Variants in MSRA observed in about 807,000 individuals in gnomAD.
MSRA encodes methionine sulfoxide reductase A.
MSRA carries 54 observed loss-of-function variants against 31.3 expected under a neutral mutation model. That is an observed-to-expected ratio of 1.73 (90% CI 1.39 to 2.17). MSRA has a LOEUF of 2.17. Ranked by LOEUF, MSRA falls within the 30% of genes most tolerant of loss-of-function variation. The probability of loss-of-function intolerance (pLI) is 0.00; values close to 1 mark genes in which losing one functional copy is unlikely to be tolerated. For missense variants in MSRA, 507 were observed against 300.9 expected (o/e 1.69, Z -5.07); for synonymous variants, 169 against 116.5 (o/e 1.45, Z -2.90).
At chr8:10,364,541 T>C (rs538449230) in intron 5 of MSRA, among the ~76,000 whole-genome samples, 1 of 152,316 alleles carries the variant, frequency 6.6e-6, no homozygotes, top group East Asian at 1.9e-4. Context: ...AAATGAAAAA[T>C]AGCCTAATTC....
At chr8:10,058,990 T>C (rs1802551987) in intron 1 of MSRA, 1 of 152,198 alleles carries the variant, frequency 6.6e-6, no homozygotes, top group African/African-American at 2.4e-5. Flanking sequence ...ATTATTATTT[T>C]ACATTGTAGG....
chr8:10,423,959 G>A (rs1336691540), intron 5 of MSRA, among the ~76,000 whole-genome samples: 2 of 152,334 alleles, frequency 1.3e-5, no homozygotes, highest in Non-Finnish European at 2.9e-5. Flanking sequence ...ACAAAGCCCC[G>A]AGATGAGGGA....
At chr8:10,427,526 C>T (rs1227080822) in intron 5 of MSRA, among the ~76,000 whole-genome samples, 2 of 152,288 alleles carry the variant, frequency 1.3e-5, no homozygotes, top group African/African-American at 4.8e-5. Context: ...AGAGTACAGA[C>T]CCCAAGCGAC....
intron 5 of MSRA, among the ~76,000 whole-genome samples, chr8:10,359,961 C>T (rs1444602578): frequency 1.3e-5 from 2 of 152,220 alleles, no homozygotes; most frequent in Admixed American, 6.5e-5. Context: ...TCCCCTCCTC[C>T]ACTTTTACCT....
chr8:10,068,376 T>C (rs1797565569), intron 1 of MSRA, among the ~76,000 whole-genome samples: 1 of 152,216 alleles, frequency 6.6e-6, no homozygotes, highest in African/African-American at 2.4e-5. Context: ...TTCGTGTATC[T>C]AAAAAGTTAT....
chr8:10,350,723 C>T (rs767832459), intron 5 of MSRA, among the ~76,000 whole-genome samples: 1 of 152,218 alleles, frequency 6.6e-6, no homozygotes, highest in East Asian at 1.9e-4. Context: ...TTGCCAAGGC[C>T]GGCAACCCTT....
intron 1 of MSRA, among the ~76,000 whole-genome samples, chr8:10,134,948 G>C (rs1033712760): frequency 6.6e-6 from 1 of 152,138 alleles, no homozygotes; most frequent in Non-Finnish European, 1.5e-5. Flanking sequence ...GTAAAAGCTA[G>C]AGCTGTTGCT....
chr8:10,071,945 G>T (rs1797753651), intron 1 of MSRA, among the ~76,000 whole-genome samples: 2 of 152,174 alleles, frequency 1.3e-5, no homozygotes, highest in African/African-American at 4.8e-5. Flanking sequence ...ATCAGTTTCA[G>T]TAGTGCGTAT....
chr8:10,332,358 CTG>C (rs1180823466), intron 5 of MSRA, among the ~76,000 whole-genome samples: 1 of 151,842 alleles, frequency 6.6e-6, no homozygotes, highest in African/African-American at 2.4e-5. Context: ...TTTTTTTTAT[CTG>C]TGCTTTTGTT....
At chr8:10,089,022 G>A (rs1029629755) in intron 1 of MSRA, among the ~76,000 whole-genome samples, 1 of 152,088 alleles carries the variant, frequency 6.6e-6, no homozygotes, top group African/African-American at 2.4e-5. Flanking sequence ...TAGATCAAAG[G>A]ATAAATAAAA....
intron 3 of MSRA, among the ~76,000 whole-genome samples, chr8:10,287,648 G>A (rs1429044860): frequency 1.3e-5 from 2 of 152,130 alleles, no homozygotes; most frequent in Non-Finnish European, 2.9e-5. Flanking sequence ...GTGAATTTTT[G>A]CTCAGGGCTT....
chr8:10,413,083 T>C (rs1328555945), intron 5 of MSRA, among the ~76,000 whole-genome samples: 1 of 152,190 alleles, frequency 6.6e-6, no homozygotes, highest in African/African-American at 2.4e-5. Context: ...TGGCCTTCAG[T>C]TGGGAAATGG....
At chr8:10,145,235 T>C (rs927382083) in intron 1 of MSRA, among the ~76,000 whole-genome samples, 4 of 152,158 alleles carry the variant, frequency 2.6e-5, no homozygotes, top group African/African-American at 9.7e-5. Flanking sequence ...TATGTGGGGA[T>C]CAGCTTTTCC....
intron 1 of MSRA, among the ~76,000 whole-genome samples, chr8:10,198,669 G>T (rs1808208758): frequency 1.3e-5 from 2 of 152,268 alleles, no homozygotes; most frequent in East Asian, 3.9e-4. Context: ...TGTCACCCAG[G>T]CTGGAGTGCA....
chr8:10,281,033 T>C (rs890551977), intron 3 of MSRA, among the ~76,000 whole-genome samples: 3 of 152,172 alleles, frequency 2.0e-5, no homozygotes, highest in African/African-American at 7.2e-5. Context: ...ATAGCTAAAG[T>C]GTATGGAGTC....
In MSRA at chr8:10,229,783, A is replaced by G. The variant is rs539844177; in HGVS notation, c.212-15321A>G. Among the ~76,000 whole-genome samples, 268 of 152,326 alleles carry G rather than the reference A, an allele frequency of 1.8e-3. 2 individuals are homozygous for G. Among genetic ancestry groups the G allele is most frequent in the African/African-American group, 5.9e-3 (246 of 41,578 alleles). ...TGTTTCAGCACGTAAGTCTGATGGA[A>G]ATATGCCCCATTCAACACTTCTGAA... is the stretch of plus-strand genomic sequence containing the variant. On this transcript the variant is annotated intron_variant, in intron 2 of 5. Coordinates refer to ENST00000317173, the MANE Select transcript of MSRA (RefSeq NM_012331.5).
chr8:10,080,164 C>T (rs995531399), intron 1 of MSRA, among the ~76,000 whole-genome samples: 5 of 152,166 alleles, frequency 3.3e-5, no homozygotes, highest in African/African-American at 7.2e-5. Context: ...GCCTAGCAGA[C>T]TGGTTGCTAA....
At chr8:10,380,689 A>G (rs898407828) in intron 5 of MSRA, among the ~76,000 whole-genome samples, 2 of 152,360 alleles carry the variant, frequency 1.3e-5, no homozygotes, top group Non-Finnish European at 2.9e-5. Context: ...TAAGTATTTA[A>G]TACATTATTT....
At chr8:10,094,893 A>T (rs963502548) in intron 1 of MSRA, among the ~76,000 whole-genome samples, 1 of 152,196 alleles carries the variant, frequency 6.6e-6, no homozygotes, top group Admixed American at 6.5e-5. Flanking sequence ...TTGACCTTAG[A>T]TGTTTTATTT....
Sources: allele counts gnomAD v4.1 joint callset (sites outside exome capture counted in the v4.1 genomes callset), GRCh38; gene constraint gnomAD v4.1.1; transcripts MANE v1.5; gene names NCBI Gene and HGNC (gene_info 2026-07-23, HGNC 2026-07-21).